The following WDFY3 variants were observed in gnomAD, a reference collection of about 807,000 sequenced individuals.
WDFY3 encodes WD repeat and FYVE domain-containing protein 3.
In WDFY3, 66 loss-of-function variants were observed where a neutral mutation model predicts 409.6. That is an observed-to-expected ratio of 0.16 (90% CI 0.13 to 0.20). The LOEUF is 0.20. WDFY3 is among the 10% of genes least tolerant of loss of function. The probability of loss-of-function intolerance (pLI) is 1.00; values close to 1 mark genes in which losing one functional copy is unlikely to be tolerated. For synonymous variants in WDFY3, 1,521 were observed against 1,537.1 expected, an observed-to-expected ratio of 0.99 and a Z score of 0.25; for missense variants, 3,031 against 4,298.1, an observed-to-expected ratio of 0.71 and a Z score of 8.24.
intron 27 of WDFY3, among the ~76,000 whole-genome samples, chr4:84,775,794 G>A (rs1331096254): frequency 6.6e-6 from 1 of 151,492 alleles, no homozygotes; most frequent in Non-Finnish European, 1.5e-5. Context: ...GTGGACAAAG[G>A]GGACAATGAA....
At chr4:84,899,295 A>C (rs1267361849) in intron 2 of WDFY3, among the ~76,000 whole-genome samples, 1 of 152,236 alleles carries the variant, frequency 6.6e-6, no homozygotes, top group African/African-American at 2.4e-5. Context: ...AGTAAAAGGC[A>C]AAATAGACCC....
rs1302163946 is a variant in WDFY3 at position 84,671,990 on chromosome 4, A to G, written c.*878T>C. On this transcript the variant is annotated 3_prime_UTR_variant, in exon 68 of 68. Transcript: ENST00000295888. ...CCTGCACTACACTGGTCATCTGACC[A>G]CCTTTCTGCAATGCTAAGAAGGTAT... The G allele has an allele frequency of 1.3e-5, 2 of 152,224 alleles. No homozygotes were observed. Among genetic ancestry groups the G allele is most frequent in the African/African-American group, 4.8e-5 (2 of 41,462 alleles). The allele number at this position is 152,224 out of a possible 1,614,324, so 9.4% of individuals were successfully genotyped here.
At chr4:84,871,783 T>C (rs756378605) in intron 3 of WDFY3, among the ~76,000 whole-genome samples, 1 of 152,046 alleles carries the variant, frequency 6.6e-6, no homozygotes, top group African/African-American at 2.4e-5. Flanking sequence ...TACAGGAGCA[T>C]ACCACCACGG....
At chr4:84,712,373 T>TAAAAAAAAAAAAAAA (rs998951453) in intron 51 of WDFY3, among the ~76,000 whole-genome samples, 16 of 74,940 alleles carry the variant, frequency 2.1e-4, no homozygotes, top group Non-Finnish European at 3.3e-4. Flanking sequence ...AGAAAAAAAT[T>TAAAAAAAAAAAAAAA]AAAAAAAAAA....
intron 64 of WDFY3, 26 bp downstream of exon 64, chr4:84,682,348 A>G: frequency 6.3e-7 from 1 of 1,589,852 alleles, no homozygotes; most frequent in East Asian, 2.2e-5. Flanking sequence ...AAACGATTTG[A>G]GTCATTTTTA....
At chr4:84,899,388 C>T (rs1172491868) in intron 2 of WDFY3, among the ~76,000 whole-genome samples, 1 of 152,152 alleles carries the variant, frequency 6.6e-6, no homozygotes, top group Non-Finnish European at 1.5e-5. Context: ...TCAAAAACAT[C>T]CCATGATTCA....
intron 36 of WDFY3, 61 bp from the exon 37 acceptor site, chr4:84,743,860 C>T (rs1738868790): frequency 1.7e-6 from 2 of 1,202,990 alleles, no homozygotes; most frequent in South Asian, 3.3e-5. Context: ...TGAGCTCAAC[C>T]ACATTTACAT....
chr4:84,925,121 C>G (rs1561088958), intron 2 of WDFY3, among the ~76,000 whole-genome samples: 1 of 152,154 alleles, frequency 6.6e-6, no homozygotes, highest in Admixed American at 6.5e-5. Flanking sequence ...ACTGTGATTT[C>G]CAAGTCTCTT....
At chr4:84,774,699 C>T (rs1445028276) in intron 29 of WDFY3, 121 bp downstream of exon 29, 13 of 997,554 alleles carry the variant, frequency 1.3e-5, no homozygotes, top group South Asian at 2.1e-5. Flanking sequence ...TATTTTGAAT[C>T]GTATTAACAT....
At chr4:84,961,444 A>G (rs1356465593) in intron 1 of WDFY3, among the ~76,000 whole-genome samples, 17 of 152,050 alleles carry the variant, frequency 1.1e-4, no homozygotes, top group Admixed American at 9.2e-4. Context: ...TTTTAATTCT[A>G]ATTTTCTAAA....
At chr4:84,892,246 T>A (rs1448065188) in intron 3 of WDFY3, among the ~76,000 whole-genome samples, 1 of 151,860 alleles carries the variant, frequency 6.6e-6, no homozygotes, top group Non-Finnish European at 1.5e-5. Context: ...ATATATATAT[T>A]TTTAAGTTAT....
intron 2 of WDFY3, among the ~76,000 whole-genome samples, chr4:84,918,923 T>C (rs1768892756): frequency 6.6e-6 from 1 of 151,730 alleles, no homozygotes; most frequent in Non-Finnish European, 1.5e-5. Context: ...AGCAAAGATA[T>C]CCAGCAATAA....
chr4:84,720,848 G>A (rs962261739), intron 47 of WDFY3, among the ~76,000 whole-genome samples: 1 of 152,158 alleles, frequency 6.6e-6, no homozygotes, highest in Non-Finnish European at 1.5e-5. Flanking sequence ...ACAACATGGT[G>A]GGTGTAATGA....
At chr4:84,817,706 C>A in intron 12 of WDFY3, 121 bp from the exon 13 acceptor site, 1 of 898,728 alleles carries the variant, frequency 1.1e-6, no homozygotes, top group Non-Finnish European at 1.7e-6. Flanking sequence ...TAAATAAAAC[C>A]TACCCAACTA....
chr4:84,779,114 T>C (rs1252606832), intron 26 of WDFY3, among the ~76,000 whole-genome samples: 1 of 152,308 alleles, frequency 6.6e-6, no homozygotes, highest in East Asian at 1.9e-4. Context: ...TGATAGTCTA[T>C]GGAATGCTTA....
At chr4:84,673,063 A>C (rs1250628717) in intron 67 of WDFY3, 72 bp from the exon 68 acceptor site, 10 of 1,592,406 alleles carry the variant, frequency 6.3e-6, no homozygotes, top group African/African-American at 1.4e-5. Flanking sequence ...AAACATTAAT[A>C]ATCGAATGGA....
chr4:84,820,247 G>A lies in WDFY3; in HGVS notation c.1592-61C>T, dbSNP rs182792703. 9.3e-5 allele frequency: 121 copies of A among 1,302,930 alleles called. 1 individual carries two copies. In the East Asian group the frequency reaches 1.4e-3, roughly 15 times the overall value. The allele number at this position is 1,302,930 out of a possible 1,614,324, so 80.7% of individuals were successfully genotyped here. A position where few individuals can be genotyped will look rare whatever the true frequency, so the allele number is the denominator to read the frequency against. ...GATAAGCTTATTTTTTCTTGATTCC[G>A]TTTTACTGTAATAATTTCTTTATTT... On this transcript the variant is annotated intron_variant, in intron 11 of 67. Transcript: ENST00000295888.
At chr4:84,857,313 C>A (rs900894493) in intron 4 of WDFY3, among the ~76,000 whole-genome samples, 7 of 151,988 alleles carry the variant, frequency 4.6e-5, no homozygotes, top group African/African-American at 1.7e-4. Context: ...ATTAAAAAAA[C>A]AAATAGTCAT....
chr4:84,878,494 GATTA>G (rs767870543), intron 3 of WDFY3, among the ~76,000 whole-genome samples: 10 of 152,146 alleles, frequency 6.6e-5, no homozygotes, highest in Non-Finnish European at 1.0e-4. Flanking sequence ...CTTCTTCACA[GATTA>G]ATTATACTAT....
Sources: gnomAD v4.1 joint callset for allele counts (sites outside exome capture counted in the v4.1 genomes callset) on GRCh38, gnomAD v4.1.1 for gene constraint, MANE v1.5 for transcripts, NCBI Gene and HGNC (gene_info 2026-07-23, HGNC 2026-07-21) for gene names.